TMIGD1: variants seen among roughly 807,000 people sequenced by gnomAD.
TMIGD1 encodes the protein transmembrane and immunoglobulin domain containing 1.
In TMIGD1, 29 loss-of-function variants were observed where a neutral mutation model predicts 27.5. The ratio of observed to expected loss-of-function variants is 1.05; its 90% confidence interval spans 0.78 to 1.44. TMIGD1 has a LOEUF of 1.44. Among genes scored for constraint, TMIGD1 ranks in the 40% most tolerant of loss-of-function variants. The pLI, the probability that TMIGD1 is intolerant of heterozygous loss-of-function variation, is 0.00. For synonymous variants in TMIGD1, 109 were observed against 110.3 expected, an observed-to-expected ratio of 0.99 and a Z score of 0.07; for missense variants, 334 against 310.6, an observed-to-expected ratio of 1.08 and a Z score of -0.57.
At chr17:30,330,081 C>A (rs1330552936) in intron 2 of TMIGD1, among the ~76,000 whole-genome samples, 2 of 151,656 alleles carry the variant, frequency 1.3e-5, no homozygotes, top group African/African-American at 2.4e-5. Context: ...CAAGACCTTG[C>A]CCCCAAAAAA....
In TMIGD1 at chr17:30,330,338, A is replaced by T. The variant is rs564438197; in HGVS notation, c.83-809T>A. On this transcript the variant is annotated intron_variant, in intron 2 of 6. Coordinates refer to ENST00000328886, the MANE Select transcript of TMIGD1 (RefSeq NM_206832.3). ...ATATTGAATACACACACACGCATGC[A>T]TATATGTATATACATATACACATAC... Among the ~76,000 whole-genome samples the T allele has an allele frequency of 2.0e-5, 3 of 152,324 alleles. No homozygotes were observed. In the South Asian group the frequency reaches 6.2e-4, roughly 32 times the overall value.
At position 30,319,261 on chromosome 17, in the gene TMIGD1, A is replaced by AAAAAATATAT; in HGVS notation, c.641-349_641-348insATATATTTTT. Among the ~76,000 whole-genome samples the AAAAAATATAT allele has an allele frequency of 6.2e-4, 43 of 69,044 alleles. 2 individuals are homozygous for AAAAAATATAT. The highest frequency in any genetic ancestry group is 3.9e-3 in the African/African-American group (43 of 11,034). The allele number at this position is 69,044 out of a possible 152,430, so 45.3% of individuals were successfully genotyped here. A position where few individuals can be genotyped will look rare whatever the true frequency, so the allele number is the denominator to read the frequency against. On this transcript the variant is annotated intron_variant, in intron 4 of 6. Transcript: ENST00000328886. ...TGTAAAAAAAAAAGAAAAAAAAAAA[A>AAAAAATATAT]ATATATATATATATATAGCTGGGCA...
chr17:30,317,759 C>A (rs1414012351), intron 5 of TMIGD1, among the ~76,000 whole-genome samples: 11 of 140,354 alleles, frequency 7.8e-5, no homozygotes, highest in Admixed American at 1.4e-4. Context: ...GAATCCATCT[C>A]AAAAAAAAAA....
intron 4 of TMIGD1, among the ~76,000 whole-genome samples, chr17:30,323,089 G>A (rs936746414): frequency 1.2e-4 from 19 of 152,160 alleles, no homozygotes; most frequent in Non-Finnish European, 1.3e-4. Flanking sequence ...AAGATCGCTT[G>A]AGCCTGGGGG....
At chr17:30,329,022 A>C (rs562516505) in intron 3 of TMIGD1, among the ~76,000 whole-genome samples, 10 of 129,624 alleles carry the variant, frequency 7.7e-5, no homozygotes, top group African/African-American at 2.3e-4. Context: ...AAAAGAAAAG[A>C]GAAAAGAAAA....
intron 5 of TMIGD1, among the ~76,000 whole-genome samples, chr17:30,317,459 T>A (rs1909452958): frequency 6.6e-6 from 1 of 151,858 alleles, no homozygotes; most frequent in African/African-American, 2.4e-5. Context: ...ATTTACTTTT[T>A]TATAGAAAAA....
intron 3 of TMIGD1, among the ~76,000 whole-genome samples, chr17:30,327,590 C>T (rs1909829210): frequency 2.0e-5 from 3 of 149,550 alleles, no homozygotes; most frequent in Admixed American, 2.0e-4. Context: ...GACAGGGTCT[C>T]ACTCTGTTGC....
intron 2 of TMIGD1, among the ~76,000 whole-genome samples, chr17:30,331,537 C>T (rs928222269): frequency 1.4e-4 from 21 of 150,542 alleles, no homozygotes; most frequent in African/African-American, 4.1e-4. Context: ...AATACTTCAC[C>T]TTGTCTTGTA....
intron 3 of TMIGD1, 88 bp from the exon 4 acceptor site, chr17:30,325,182 T>C (rs1909738567): frequency 4.3e-6 from 6 of 1,406,606 alleles, no homozygotes; most frequent in Admixed American, 2.3e-5. Context: ...CTATCTCATG[T>C]GGTCATTTAT....
intron 2 of TMIGD1, among the ~76,000 whole-genome samples, chr17:30,329,876 G>A (rs1436212318): frequency 6.6e-6 from 1 of 151,586 alleles, no homozygotes; most frequent in Non-Finnish European, 1.5e-5. Flanking sequence ...TTCAAGATCA[G>A]CCTGGGTAAC....
At chr17:30,323,094 TG>T (rs1168309779) in intron 4 of TMIGD1, among the ~76,000 whole-genome samples, 1 of 152,046 alleles carries the variant, frequency 6.6e-6, no homozygotes, top group Non-Finnish European at 1.5e-5. Context: ...CGCTTGAGCC[TG>T]GGGGGATGAG....
At chr17:30,324,434 C>A (rs1408064795) in intron 4 of TMIGD1, among the ~76,000 whole-genome samples, 1 of 152,074 alleles carries the variant, frequency 6.6e-6, no homozygotes, top group Non-Finnish European at 1.5e-5. Flanking sequence ...CTTATCTAGT[C>A]CTAATTTCTC....
intron 4 of TMIGD1, among the ~76,000 whole-genome samples, chr17:30,320,093 G>A (rs140301953): frequency 0.012 from 1,799 of 151,290 alleles, 34 homozygotes; most frequent in African/African-American, 0.041. Context: ...GCTGGAGTAC[G>A]GTGGTGCAAT....
Position 30,324,901 on chromosome 17 carries a change from G to A in TMIGD1, c.555C>T (p.Val185=), listed in dbSNP as rs1483181140. 8 of 1,613,978 alleles carry A rather than the reference G, an allele frequency of 5.0e-6. No individual in the cohort carries two copies. The highest frequency in any genetic ancestry group is 2.7e-5 in the African/African-American group (2 of 74,918). The change falls in exon 4 of 7, where the codon GTC becomes GTT. Residue 185 remains valine, a synonymous_variant. Transcript: ENST00000328886. The stretch of plus-strand genomic sequence containing the variant: ...TGTAGGTTCCGTTGTCAGGCTTCTC[G>A]ACTTTGGTGATTGACAGCTGAAAAG... ...SESFQLSITK[V]EKPDNGTYSC...
At chr17:30,330,477 T>C (rs1909940753) in intron 2 of TMIGD1, among the ~76,000 whole-genome samples, 1 of 152,214 alleles carries the variant, frequency 6.6e-6, no homozygotes, top group African/African-American at 2.4e-5. Context: ...ATTAAAGCTC[T>C]AATAATTACT....
chr17:30,331,331 T>A (rs897080158), intron 2 of TMIGD1, among the ~76,000 whole-genome samples: 62 of 151,746 alleles, frequency 4.1e-4, no homozygotes, highest in African/African-American at 1.4e-3. Flanking sequence ...TTTTTTTTTT[T>A]ATAGATTGCC....
chr17:30,332,271 A>T (rs1390073796), intron 1 of TMIGD1, 113 bp from the exon 2 acceptor site: 1 of 596,552 alleles, frequency 1.7e-6, no homozygotes, highest in African/African-American at 1.9e-5. Context: ...CATCCCAGCT[A>T]TAACGGTACT....
intron 3 of TMIGD1, among the ~76,000 whole-genome samples, chr17:30,328,910 G>A (rs1909875362): frequency 6.8e-6 from 1 of 146,800 alleles, no homozygotes; most frequent in Non-Finnish European, 1.5e-5. Flanking sequence ...GTTGCAGTGA[G>A]CCGAGATTGC....
At chr17:30,319,054 C>T in intron 4 of TMIGD1, 141 bp from the exon 5 acceptor site, 1 of 636,568 alleles carries the variant, frequency 1.6e-6, no homozygotes, top group Non-Finnish European at 2.8e-6. Flanking sequence ...GTATGATTGT[C>T]CTCATTTCAC....
Sources: gnomAD v4.1 joint callset for allele counts (sites outside exome capture counted in the v4.1 genomes callset) on GRCh38, gnomAD v4.1.1 for gene constraint, MANE v1.5 for transcripts, NCBI Gene and HGNC (gene_info 2026-07-23, HGNC 2026-07-21) for gene names.